Variants in PCDHGA8 observed in about 807,000 individuals in gnomAD.
The protein encoded by PCDHGA8 is protocadherin gamma subfamily A, 8, also known as protocadherin gamma-A8.
A neutral mutation model predicts 59.2 loss-of-function variants in PCDHGA8; 45 were observed. The ratio of observed to expected loss-of-function variants is 0.76; its 90% CI spans 0.60 to 0.98. The LOEUF is 0.98. Ranked by LOEUF, PCDHGA8 falls within the 50% of genes least tolerant of loss-of-function variation. The pLI, the probability that PCDHGA8 is intolerant of heterozygous loss-of-function variation, is 0.00. For missense variants in PCDHGA8, 1,257 were observed against 1,196.2 expected (o/e 1.05, Z -0.75); for synonymous variants, 531 against 519.0 (o/e 1.02, Z -0.32).
In PCDHGA8 at chr5:141,490,949, A is replaced by G. The variant is rs2074912; in HGVS notation, c.2425-3858A>G. On this transcript the variant is annotated intron_variant, in intron 1 of 3. Coordinates refer to ENST00000398604, the MANE Select transcript of PCDHGA8 (RefSeq NM_032088.2). The surrounding 1 kb of genome is among the most constrained non-coding windows in gnomAD (Gnocchi z 5.4). ...CCAGCTGTGCTGCACCCACGGCCAG[A>G]CTGGGAACACTCAGCCCCCCAGCGT... 0.21 allele frequency: 331,850 copies of G among 1,613,352 alleles called. 36,311 individuals carry two copies. The highest frequency in any genetic ancestry group is 0.37 in the Admixed American group (22,349 of 59,972).
chr5:141,454,796 A>ATTTTTCT (rs2098799790), intron 1 of PCDHGA8, among the ~76,000 whole-genome samples: 1 of 77,408 alleles, frequency 1.3e-5, no homozygotes, highest in African/African-American at 5.9e-5. Context: ...CATGGTTCTA[A>ATTTTTCT]TTTTTTTTTT....
chr5:141,393,460 A>T lies in PCDHGA8; in HGVS notation c.647A>T (p.Asp216Val). Residue 216 changes from aspartate (D) to valine (V), a missense_variant, in exon 1 of 4, where the codon GAT (aspartate) becomes GTT (valine). By Grantham distance (152) the Asp-to-Val change is radical (BLOSUM62 -3). Transcript: ENST00000398604. ...AAHHLVLTAS[D>V]GGKPPRSSTV... is the part of the protein sequence containing the mutation. The stretch of plus-strand genomic sequence containing the variant: ...CACCACCTGGTCCTCACGGCCTCGG[A>T]TGGCGGCAAGCCGCCTCGCTCTAGC... 6.2e-7 allele frequency: 1 copy of T among 1,614,052 alleles called. No homozygotes were observed. Among genetic ancestry groups the T allele is most frequent in the Non-Finnish European group, 8.5e-7 (1 of 1,179,910 alleles).
At chr5:141,465,922 T>A (rs7704812) in intron 1 of PCDHGA8, among the ~76,000 whole-genome samples, 42,795 of 151,826 alleles carry the variant, frequency 0.28, 6,697 homozygotes, top group African/African-American at 0.42. Flanking sequence ...GGATTTCGAG[T>A]CCATCCTGGC....
chr5:141,495,939 G>A (rs1408330065), intron 2 of PCDHGA8, among the ~76,000 whole-genome samples: 1 of 151,994 alleles, frequency 6.6e-6, no homozygotes, highest in Non-Finnish European at 1.5e-5. Context: ...TCTGGTCTCT[G>A]TGCCTGTTGT....
In PCDHGA8 at chr5:141,489,844, C is replaced by G. The variant is rs1004902910; in HGVS notation, c.2425-4963C>G. Reference sequence around the variant, plus strand: ...GCTGGTGCTAGAGCAGCAGCTGGATCGTGAAGCCCAGGCAAGACATCAGCT... The same window carrying G: ...GCTGGTGCTAGAGCAGCAGCTGGATGGTGAAGCCCAGGCAAGACATCAGCT... On this transcript the variant is annotated intron_variant, in intron 1 of 3. Coordinates refer to ENST00000398604, the MANE Select transcript of PCDHGA8 (RefSeq NM_032088.2). The surrounding 1 kb of genome is among the most constrained non-coding windows in gnomAD (Gnocchi z 4.5). The G allele has an allele frequency of 1.2e-6, 2 of 1,614,030 alleles. No individual in the cohort carries two copies. Among genetic ancestry groups the G allele is most frequent in the Non-Finnish European group, 8.5e-7 (1 of 1,179,990 alleles).
rs1353509218 is a variant in PCDHGA8, at chr5:141,512,908, TTTATACTC to T, written c.*1737_*1744del. ...CCCTCTTCCTGTGTCTCACGCAAGTTTTATACTCTAATATTTATATGGCTTTTTTTCTT... is the reference window on the plus strand; with the variant it reads ...CCCTCTTCCTGTGTCTCACGCAAGTTTAATATTTATATGGCTTTTTTTCTT... On this transcript the variant is annotated 3_prime_UTR_variant, in exon 4 of 4. Transcript: ENST00000398604. 6.6e-6 allele frequency: 1 copy of T among 152,268 alleles called. No individual in the cohort carries two copies. Among genetic ancestry groups the T allele is most frequent in the Non-Finnish European group, 1.5e-5 (1 of 68,054 alleles). 9.4% of individuals were successfully genotyped at this position (152,268 alleles called of 1,614,324 possible).
At chr5:141,446,069 C>T (rs552817495) in intron 1 of PCDHGA8, among the ~76,000 whole-genome samples, 1 of 152,102 alleles carries the variant, frequency 6.6e-6, no homozygotes, top group South Asian at 2.1e-4. Flanking sequence ...AAAGGGGAGG[C>T]AGTGGATGTA....
At chr5:141,436,486 C>A (rs2097826645) in intron 1 of PCDHGA8, among the ~76,000 whole-genome samples, 1 of 152,152 alleles carries the variant, frequency 6.6e-6, no homozygotes. Flanking sequence ...AGAAGGATAG[C>A]AGCTTTGCAA....
intron 1 of PCDHGA8, chr5:141,403,279 G>C (rs779882720): frequency 6.2e-7 from 1 of 1,613,900 alleles, no homozygotes. Flanking sequence ...TTAAAGTCCT[G>C]GTTGAAGACA....
At chr5:141,414,239 C>T in intron 1 of PCDHGA8, 1 of 1,613,498 alleles carries the variant, frequency 6.2e-7, no homozygotes, top group Non-Finnish European at 8.5e-7. Context: ...ACCATCACGT[C>T]TCTATTTAGT....
Position 141,490,732 on chromosome 5 carries a change from G to A in PCDHGA8, c.2425-4075G>A, listed in dbSNP as rs775388969. 6.2e-6 allele frequency: 10 copies of A among 1,614,188 alleles called. No homozygotes were observed. The highest frequency in any genetic ancestry group is 8.5e-6 in the Non-Finnish European group (10 of 1,180,042). ...CACCTACTCCATTGTAGGAAATCAG[G>A]TTCAGGGAGCCCCAGCCTCCTCCTT... On this transcript the variant is annotated intron_variant, in intron 1 of 3. Transcript: ENST00000398604. This position sits in a 1 kb window ranked among gnomAD's most constrained non-coding sequence, Gnocchi z 5.4.
At chr5:141,429,385 T>A (rs1274446916) in intron 1 of PCDHGA8, among the ~76,000 whole-genome samples, 1 of 151,844 alleles carries the variant, frequency 6.6e-6, no homozygotes, top group Non-Finnish European at 1.5e-5. Flanking sequence ...GTGTTTTTTT[T>A]TTAAAAAAAA....
chr5:141,397,509 T>G (rs2093532710), intron 1 of PCDHGA8, among the ~76,000 whole-genome samples: 1 of 152,204 alleles, frequency 6.6e-6, no homozygotes, highest in African/African-American at 2.4e-5. Flanking sequence ...TAAAATTGTT[T>G]CCATAGCTAA....
Position 141,393,005 on chromosome 5 carries a change from C to T in PCDHGA8, c.192C>T (p.Val64=). The T allele has an allele frequency of 6.2e-7, 1 of 1,613,866 alleles. No individual in the cohort carries two copies. The highest frequency in any genetic ancestry group is 8.5e-7 in the Non-Finnish European group (1 of 1,179,894). Residue 64 remains valine (V), a synonymous_variant, in exon 1 of 4, where the codon GTC becomes GTT. Coordinates refer to ENST00000398604, the MANE Select transcript of PCDHGA8 (RefSeq NM_032088.2). The part of the protein sequence containing the change: ...LDPRKLAKHG[V]RIVSRGRTQL... ...CCCGGAAGCTGGCGAAGCACGGAGT[C>T]CGTATCGTCTCCAGAGGTAGGACGC...
chr5:141,486,909 C>A lies in PCDHGA8; in HGVS notation c.2425-7898C>A, dbSNP rs759702188. On this transcript the variant is annotated intron_variant, in intron 1 of 3. Coordinates refer to ENST00000398604, the MANE Select transcript of PCDHGA8 (RefSeq NM_032088.2). The surrounding 1 kb of genome is among the most constrained non-coding windows in gnomAD (Gnocchi z 5.0). ...CGGCCTGGTTCCTTATGTCCCCAAGCACTGCCTCCATCAGTTGGTGCTGGC... is the reference window on the plus strand; with the variant it reads ...CGGCCTGGTTCCTTATGTCCCCAAGAACTGCCTCCATCAGTTGGTGCTGGC... 3.1e-6 allele frequency: 5 copies of A among 1,614,262 alleles called. No individual in the cohort carries two copies. The East Asian group carries it at 1.1e-4, about 36-fold the overall frequency.
rs762783104 is a variant in PCDHGA8 at position 141,485,601 on chromosome 5, G to A, written c.2425-9206G>A. 4.3e-6 allele frequency: 7 copies of A among 1,612,290 alleles called. No homozygotes were observed. The highest frequency in any genetic ancestry group is 5.9e-6 in the Non-Finnish European group (7 of 1,178,722). On this transcript the variant is annotated intron_variant, in intron 1 of 3. Transcript: ENST00000398604. The surrounding 1 kb of genome is among the most constrained non-coding windows in gnomAD (Gnocchi z 5.7). ...CGGCAGCAGCTGGACTTGGAAATTG[G>A]GGAGGCAGCTCCTCCAGGACAGCGT...
intron 1 of PCDHGA8, chr5:141,423,850 A>G: frequency 1.6e-6 from 2 of 1,278,674 alleles, no homozygotes; most frequent in East Asian, 3.1e-5. Flanking sequence ...ATCTTTCAGA[A>G]CGTTTTTGTG....
chr5:141,481,730 G>A (rs778885944), intron 1 of PCDHGA8, among the ~76,000 whole-genome samples: 1 of 151,952 alleles, frequency 6.6e-6, no homozygotes, highest in African/African-American at 2.4e-5. Context: ...GAGGCGGGCG[G>A]ATCACGAGGT....
rs1188870363 is a variant in PCDHGA8 at position 141,490,058 on chromosome 5, C to A, written c.2425-4749C>A. 16 of 1,614,230 alleles carry A rather than the reference C, an allele frequency of 9.9e-6. No individual in the cohort carries two copies. In the East Asian group the frequency reaches 3.6e-4, roughly 36 times the overall value. The stretch of plus-strand genomic sequence containing the variant: ...AATGCCACTGATCCAGACGAGGGCA[C>A]CAACGGCCAACTAGACTATTCTTTT... On this transcript the variant is annotated intron_variant, in intron 1 of 3. Coordinates refer to ENST00000398604, the MANE Select transcript of PCDHGA8 (RefSeq NM_032088.2). This position sits in a 1 kb window ranked among gnomAD's most constrained non-coding sequence, Gnocchi z 5.4.
Sources: allele counts gnomAD v4.1 joint callset (sites outside exome capture counted in the v4.1 genomes callset), GRCh38; gene constraint gnomAD v4.1.1; non-coding constraint Gnocchi (gnomAD v3.1); transcripts MANE v1.5; gene names NCBI Gene and HGNC (gene_info 2026-07-23, HGNC 2026-07-21).